The following PLAC1 variants were observed in gnomAD, a reference collection of about 807,000 sequenced individuals.
PLAC1 encodes the protein placenta associated 1.
For synonymous variants in PLAC1, 68 were observed against 62.1 expected, an observed-to-expected ratio of 1.09 and a Z score of -0.44; for missense variants, 136 against 163.2, an observed-to-expected ratio of 0.83 and a Z score of 0.91.
At chrX:134,667,051 C>G (rs1287991609) in intron 2 of PLAC1, among the ~76,000 whole-genome samples, 2 of 111,929 alleles carry the variant, frequency 1.8e-5, no homozygotes, top group Non-Finnish European at 3.8e-5. Flanking sequence ...TATCAAAGGT[C>G]AAAATGCAAG....
chrX:134,745,028 T>A (rs1486180153), intron 1 of PLAC1, among the ~76,000 whole-genome samples: 1 of 111,586 alleles, frequency 9.0e-6, no homozygotes, highest in Non-Finnish European at 1.9e-5. Context: ...CCTTCCAAAA[T>A]GAGAAAGCTT....
chrX:134,567,565 G>A (rs766509883), intron 2 of PLAC1, among the ~76,000 whole-genome samples: 14 of 110,492 alleles, frequency 1.3e-4, no homozygotes, highest in East Asian at 8.5e-4. Context: ...AGAGCAGCCC[G>A]GGCAATATAG....
chrX:134,708,499 A>AG (rs1452792098), intron 2 of PLAC1, among the ~76,000 whole-genome samples: 2 of 103,605 alleles, frequency 1.9e-5, no homozygotes, highest in Non-Finnish European at 3.9e-5. Context: ...AGGTAGCATG[A>AG]GGGACATCTT....
intron 1 of PLAC1, among the ~76,000 whole-genome samples, chrX:134,643,778 A>G (rs1052925803): frequency 2.7e-5 from 3 of 110,697 alleles, no homozygotes; most frequent in African/African-American, 9.8e-5. Flanking sequence ...GGTACAGAAA[A>G]CTTCATACTT....
At chrX:134,657,038 G>C (rs749341778) in intron 1 of PLAC1, among the ~76,000 whole-genome samples, 3 of 112,196 alleles carry the variant, frequency 2.7e-5, no homozygotes, top group African/African-American at 9.7e-5. Flanking sequence ...CAGCAGCTCC[G>C]AGCTGTCACT....
intron 2 of PLAC1, among the ~76,000 whole-genome samples, chrX:134,568,017 G>C (rs2077886755): frequency 1.8e-5 from 2 of 111,859 alleles, no homozygotes; most frequent in Admixed American, 1.9e-4. Context: ...AGACCAGTGA[G>C]GAGAAAAAGC....
At chrX:134,643,100 G>A (rs1246204068) in intron 1 of PLAC1, among the ~76,000 whole-genome samples, 1 of 111,609 alleles carries the variant, frequency 9.0e-6, no homozygotes, top group African/African-American at 3.2e-5. Flanking sequence ...TGTAAGTCCT[G>A]GTACAGGTAT....
At position 134,590,196 on chromosome X, in the gene PLAC1, A is replaced by AAAATAAATAAATAAAT. The variant is rs371123358; in HGVS notation, c.-59+11839_-59+11854dup. On this transcript the variant is annotated intron_variant, in intron 2 of 2. Transcript: ENST00000359237. Reference sequence around the variant, plus strand: ...GGCAACAGAGTGAGACTCCATCTCAAAAATAAATAAATAAATAAATAATAA... The same window carrying AAAATAAATAAATAAAT: ...GGCAACAGAGTGAGACTCCATCTCAAAAATAAATAAATAAATAAATAAATAAATAAATAAATAATAA... 9.8e-4 allele frequency among the ~76,000 whole-genome samples: 101 copies of AAAATAAATAAATAAAT among 103,415 alleles called. 1 individual carries two copies. Among genetic ancestry groups the AAAATAAATAAATAAAT allele is most frequent in the Non-Finnish European group, 1.4e-3 (70 of 50,592 alleles). 89.8% of individuals were successfully genotyped at this position (103,415 alleles called of 115,157 possible).
intron 1 of PLAC1, among the ~76,000 whole-genome samples, chrX:134,629,038 G>A (rs1009143172): frequency 2.7e-5 from 3 of 111,978 alleles, no homozygotes; most frequent in African/African-American, 9.7e-5. Context: ...TTCCTCTAAT[G>A]TCCACTAAAT....
At chrX:134,713,758 T>TCAGGCCAGTCCA in intron 2 of PLAC1, among the ~76,000 whole-genome samples, 1 of 112,240 alleles carries the variant, frequency 8.9e-6, no homozygotes, top group Middle Eastern at 4.6e-3. Context: ...AAGACGGGCC[T>TCAGGCCAGTCCA]AATTACCTCC....
intron 2 of PLAC1, among the ~76,000 whole-genome samples, chrX:134,675,429 G>T: frequency 8.9e-6 from 1 of 112,253 alleles, no homozygotes; most frequent in Non-Finnish European, 1.9e-5. Flanking sequence ...ATTTCGGGAG[G>T]CCGAGGCGGG....
intron 2 of PLAC1, among the ~76,000 whole-genome samples, chrX:134,582,481 T>C (rs993748704): frequency 5.4e-5 from 6 of 111,894 alleles, no homozygotes; most frequent in African/African-American, 2.0e-4. Flanking sequence ...CACCATAGTG[T>C]TTGTAAATAA....
chrX:134,700,121 C>G (rs1473504566), intron 2 of PLAC1, among the ~76,000 whole-genome samples: 4 of 111,535 alleles, frequency 3.6e-5, no homozygotes, highest in Non-Finnish European at 7.5e-5. Context: ...TAGCCTCCAC[C>G]CCTCAGTTAC....
rs145090089 is a variant in PLAC1 at position 134,709,494 on chromosome X, C to T, written n.174+23941G>A. Reference sequence around the variant, plus strand: ...TATTAAAATTAGGTGGGTGTGGTGGCGTGCACCTGTAGTCCCAGCTACTTG... The same window carrying T: ...TATTAAAATTAGGTGGGTGTGGTGGTGTGCACCTGTAGTCCCAGCTACTTG... On this transcript the variant is annotated intron_variant and non_coding_transcript_variant, in intron 2 of 2. Coordinates refer to the PLAC1 transcript ENST00000466797. Among the ~76,000 whole-genome samples, 358 of 111,420 alleles carry T rather than the reference C, an allele frequency of 3.2e-3. 2 individuals carry two copies. Among genetic ancestry groups the T allele is most frequent in the African/African-American group, 0.011 (336 of 30,622 alleles).
chrX:134,579,997 C>A (rs1004996071), intron 2 of PLAC1, among the ~76,000 whole-genome samples: 3 of 112,040 alleles, frequency 2.7e-5, no homozygotes, highest in African/African-American at 9.7e-5. Flanking sequence ...GTTTAATTTC[C>A]CACGTGGCTA....
intron 1 of PLAC1, among the ~76,000 whole-genome samples, chrX:134,632,895 A>G (rs746626165): frequency 9.0e-6 from 1 of 111,362 alleles, no homozygotes; most frequent in South Asian, 3.9e-4. Context: ...CACCTCTTCA[A>G]AATGCTCCAT....
chrX:134,586,530 C>T (rs4830297), intron 2 of PLAC1, among the ~76,000 whole-genome samples: 38,384 of 110,316 alleles, frequency 0.35, 5,124 homozygotes, highest in South Asian at 0.5. Flanking sequence ...TGGATTAGGC[C>T]GTGAAAGGAA....
chrX:134,643,612 A>G (rs1225282071), intron 1 of PLAC1, among the ~76,000 whole-genome samples: 1 of 111,897 alleles, frequency 8.9e-6, no homozygotes, highest in Non-Finnish European at 1.9e-5. Context: ...AATTCATTAT[A>G]TTTGCATAAT....
At chrX:134,761,146 C>G (rs999358274) in intron 1 of PLAC1, among the ~76,000 whole-genome samples, 3 of 110,489 alleles carry the variant, frequency 2.7e-5, no homozygotes, top group Middle Eastern at 4.2e-3. Flanking sequence ...ATGTAGTAAT[C>G]GCTCATACAA....
Sources: gnomAD v4.1 joint callset for allele counts (sites outside exome capture counted in the v4.1 genomes callset) on GRCh38, gnomAD v4.1.1 for gene constraint, MANE v1.5 for transcripts, NCBI Gene and HGNC (gene_info 2026-07-23, HGNC 2026-07-21) for gene names.